DLG1: variants seen among roughly 807,000 people sequenced by gnomAD.
DLG1 encodes discs large MAGUK scaffold protein 1.
A neutral mutation model predicts 123.4 loss-of-function variants in DLG1; 42 were observed. That is an observed-to-expected ratio of 0.34 (90% confidence interval 0.27 to 0.44). The LOEUF (loss-of-function observed/expected upper bound fraction) is 0.44. Ranked by LOEUF, DLG1 falls within the 20% of genes least tolerant of loss-of-function variation. The pLI is 1.00. For missense variants in DLG1, 942 were observed against 1,082.6 expected (o/e 0.87, Z 1.82); for synonymous variants, 317 against 356.2 (o/e 0.89, Z 1.24).
At chr3:197,060,500 T>C (rs1735032422) in intron 22 of DLG1, among the ~76,000 whole-genome samples, 3 of 152,154 alleles carry the variant, frequency 2.0e-5, no homozygotes, top group South Asian at 2.1e-4. Flanking sequence ...CATCTCCCCA[T>C]AGCTATCATT....
intron 14 of DLG1, among the ~76,000 whole-genome samples, chr3:197,093,562 G>A (rs1758961505): frequency 1.2e-5 from 1 of 85,322 alleles, no homozygotes; most frequent in East Asian, 4.5e-4. Context: ...TGTCATCCAC[G>A]CTTTTTTTTT....
chr3:197,139,653 A>T (rs977015656), intron 8 of DLG1, among the ~76,000 whole-genome samples: 3 of 152,214 alleles, frequency 2.0e-5, no homozygotes, highest in African/African-American at 7.2e-5. Flanking sequence ...TAAAGTTTGC[A>T]TATAGTCTTT....
At chr3:197,121,296 C>A (rs989907347) in intron 11 of DLG1, among the ~76,000 whole-genome samples, 3 of 151,946 alleles carry the variant, frequency 2.0e-5, no homozygotes, top group Non-Finnish European at 4.4e-5. Context: ...TTTCTTATAC[C>A]CCAAATCTTA....
At chr3:197,066,258 T>A (rs1027005428) in intron 20 of DLG1, among the ~76,000 whole-genome samples, 17 of 151,938 alleles carry the variant, frequency 1.1e-4, no homozygotes, top group African/African-American at 4.1e-4. Flanking sequence ...GGGATCATGC[T>A]GGAATAATGG....
intron 4 of DLG1, among the ~76,000 whole-genome samples, chr3:197,265,493 G>A (rs1348835842): frequency 6.6e-6 from 1 of 152,156 alleles, no homozygotes; most frequent in East Asian, 1.9e-4. Flanking sequence ...AATAAACAGA[G>A]CTAAAACTCA....
intron 4 of DLG1, among the ~76,000 whole-genome samples, chr3:197,261,743 T>C (rs338196): frequency 0.28 from 42,223 of 152,128 alleles, 6,240 homozygotes; most frequent in South Asian, 0.38. Context: ...ATAGTAAGCA[T>C]TATCAATGTT....
chr3:197,065,355 T>C lies in DLG1; in HGVS notation c.2294A>G (p.His765Arg), dbSNP rs1410733645. Residue 765 changes from histidine to arginine, a missense_variant, in exon 22 of 25, where the codon CAT becomes CGT. By Grantham distance (29) the His-to-Arg change is conservative. Coordinates refer to ENST00000667157, the MANE Select transcript of DLG1 (RefSeq NM_001366207.1). ...REQMEKDIQE[H>R]KFIEAGQYNN... is the part of the protein sequence containing the mutation. ...ATACTGGCCAGCTTCAATGAATTTA[T>C]GTTCCTGGATATCTTTTTCCATCTG... The C allele has an allele frequency of 6.2e-7, 1 of 1,613,578 alleles. No homozygotes were observed. The highest frequency in any genetic ancestry group is 8.5e-7 in the Non-Finnish European group (1 of 1,179,818).
At chr3:197,097,970 T>G (rs1314664938) in intron 14 of DLG1, among the ~76,000 whole-genome samples, 2 of 152,170 alleles carry the variant, frequency 1.3e-5, no homozygotes, top group Non-Finnish European at 2.9e-5. Context: ...CTTTTCAATA[T>G]TACCTTTGTT....
intron 4 of DLG1, among the ~76,000 whole-genome samples, chr3:197,232,137 C>T (rs576750267): frequency 1.3e-5 from 2 of 151,336 alleles, no homozygotes; most frequent in African/African-American, 4.8e-5. Context: ...AATTTGAGCA[C>T]AAAAAACAGC....
chr3:197,085,812 T>C (rs1754007558), intron 15 of DLG1, 56 bp from the exon 16 acceptor site: 1 of 1,505,544 alleles, frequency 6.6e-7, no homozygotes, highest in Non-Finnish European at 9.0e-7. Flanking sequence ...AATCAACATA[T>C]CATAGGGTTC....
intron 5 of DLG1, among the ~76,000 whole-genome samples, chr3:197,158,010 A>G (rs1797092233): frequency 6.6e-6 from 1 of 152,342 alleles, no homozygotes; most frequent in South Asian, 2.1e-4. Flanking sequence ...ATATGACACA[A>G]AGGTACAGAC....
intron 4 of DLG1, among the ~76,000 whole-genome samples, chr3:197,268,579 C>A (rs1457427184): frequency 2.0e-5 from 3 of 151,988 alleles, no homozygotes; most frequent in South Asian, 2.1e-4. Context: ...AGGCACCAAC[C>A]ACGCCTAATT....
intron 4 of DLG1, among the ~76,000 whole-genome samples, chr3:197,203,188 C>T (rs1354049577): frequency 2.6e-5 from 4 of 152,010 alleles, no homozygotes; most frequent in South Asian, 2.1e-4. Context: ...TGCTTGAGCC[C>T]GGGAGGTTGA....
intron 1 of DLG1, chr3:197,297,709 G>A (rs1008488498): frequency 1.0e-5 from 10 of 987,932 alleles, no homozygotes; most frequent in Non-Finnish European, 1.2e-5. Context: ...CTGCTCCAGC[G>A]GGGGCCGGAC....
intron 4 of DLG1, among the ~76,000 whole-genome samples, chr3:197,209,894 T>C (rs1730443117): frequency 6.8e-6 from 1 of 146,620 alleles, no homozygotes; most frequent in African/African-American, 2.4e-5. Context: ...CCTGATTGAA[T>C]TTCCCTGGTT....
chr3:197,064,781 A>T (rs997902444), intron 22 of DLG1, among the ~76,000 whole-genome samples: 1 of 152,100 alleles, frequency 6.6e-6, no homozygotes, highest in Admixed American at 6.5e-5. Context: ...TAAAAATTTT[A>T]AGTGGTTAGA....
chr3:197,052,206 G>C (rs1728294823), intron 23 of DLG1, among the ~76,000 whole-genome samples: 1 of 151,502 alleles, frequency 6.6e-6, no homozygotes, highest in South Asian at 2.1e-4. Context: ...TGTAATCCCA[G>C]CATTTTGGGA....
chr3:197,068,083 C>T lies in DLG1; in HGVS notation c.2047+1136G>A, dbSNP rs116113732. Among the ~76,000 whole-genome samples, 433 of 152,328 alleles carry T rather than the reference C, an allele frequency of 2.8e-3. 1 individual carries two copies. The highest frequency in any genetic ancestry group is 4.5e-3 in the Non-Finnish European group (308 of 68,022). On this transcript the variant is annotated intron_variant, in intron 19 of 24. Coordinates refer to ENST00000667157, the MANE Select transcript of DLG1 (RefSeq NM_001366207.1). ...TAGCTGTAGGTCTTTTAAATCCATACATTGGCATAAACATTCTTTTCTGTT... is the reference window on the plus strand; with the variant it reads ...TAGCTGTAGGTCTTTTAAATCCATATATTGGCATAAACATTCTTTTCTGTT...
chr3:197,071,070 T>C (rs1268365976), intron 18 of DLG1: 4 of 152,192 alleles, frequency 2.6e-5, no homozygotes, highest in Non-Finnish European at 5.9e-5. Context: ...TTCATTTATA[T>C]ATACCTTTTA....
Sources: allele counts gnomAD v4.1 joint callset (sites outside exome capture counted in the v4.1 genomes callset), GRCh38; gene constraint gnomAD v4.1.1; transcripts MANE v1.5; gene names NCBI Gene and HGNC (gene_info 2026-07-23, HGNC 2026-07-21).